PKNOX2: variants seen among roughly 807,000 people sequenced by gnomAD.
The protein encoded by PKNOX2 is homeobox protein PKNOX2.
A neutral mutation model predicts 53.1 loss-of-function variants in PKNOX2; 14 were observed. That is an observed-to-expected ratio of 0.26 (90% CI 0.17 to 0.41). The LOEUF is 0.41. PKNOX2 is among the 10% of genes least tolerant of loss of function. PKNOX2 has a pLI of 1.00. For synonymous variants in PKNOX2, 257 were observed against 242.8 expected (o/e 1.06, Z -0.54); for missense variants, 496 against 602.8 (o/e 0.82, Z 1.85).
At chr11:125,371,824 TG>T (rs751949320) in intron 5 of PKNOX2, among the ~76,000 whole-genome samples, 5 of 152,164 alleles carry the variant, frequency 3.3e-5, no homozygotes, top group Admixed American at 6.5e-5. Context: ...GTGAGGGCAG[TG>T]GTGCTTTGCC....
chr11:125,324,266 GT>G (rs2136077639), intron 2 of PKNOX2, among the ~76,000 whole-genome samples: 1 of 152,200 alleles, frequency 6.6e-6, no homozygotes, highest in East Asian at 1.9e-4. Flanking sequence ...TCTAACCTCA[GT>G]TTTCCCTTTT....
At chr11:125,327,018 A>G (rs1026941240) in intron 2 of PKNOX2, among the ~76,000 whole-genome samples, 1 of 152,228 alleles carries the variant, frequency 6.6e-6, no homozygotes, top group Non-Finnish European at 1.5e-5. Context: ...GGTGGGCTCC[A>G]GAGTGAGAAC....
intron 10 of PKNOX2, among the ~76,000 whole-genome samples, chr11:125,423,200 GTC>G (rs1463513934): frequency 6.6e-6 from 1 of 152,098 alleles, no homozygotes; most frequent in Non-Finnish European, 1.5e-5. Context: ...TTTGCCCAAG[GTC>G]TCACGCCGGT....
At position 125,431,305 on chromosome 11, in the gene PKNOX2, G is replaced by C; in HGVS notation, c.1332G>C (p.Glu444Asp). 3 of 1,613,586 alleles carry C rather than the reference G, an allele frequency of 1.9e-6. No homozygotes were observed. In the Admixed American group the frequency reaches 5.0e-5, roughly 27 times the overall value. Residue 444 changes from glutamate to aspartate, a missense_variant, in exon 13 of 13, where the codon GAG becomes GAC. By Grantham distance (45) the Glu-to-Asp change is conservative. Around this residue, in one of 5 missense-constraint regions of PKNOX2, gnomAD observed 139 missense variants for 161.3 expected, o/e 0.86. Transcript: ENST00000298282. ...ATGAGGATGAGATGGAAGAGGAGGA[G>C]GAGGAGGAGCTGGAGGAGGAGGTCG... Reference protein sequence around the residue: ...EEDEDEMEEEEEEELEEEVDE... With the variant: ...EEDEDEMEEEDEEELEEEVDE...
chr11:125,371,478 G>A (rs1426097987), intron 5 of PKNOX2, among the ~76,000 whole-genome samples: 1 of 152,150 alleles, frequency 6.6e-6, no homozygotes, highest in African/African-American at 2.4e-5. Flanking sequence ...CAGGGGATTA[G>A]GTTGCCAGCG....
Position 125,166,500 on chromosome 11 carries a change from G to A in PKNOX2, c.-201+1724G>A, listed in dbSNP as rs1954887666. On this transcript the variant is annotated intron_variant, in intron 1 of 12. Coordinates refer to ENST00000298282, the MANE Select transcript of PKNOX2 (RefSeq NM_001382323.2). This position sits in a 1 kb window ranked among gnomAD's most constrained non-coding sequence, Gnocchi z 4.0. ...GCAGGGCAGCCTCGCGGGGCTGGGAGTGGATCTGAGGTCCCGACCCAGGCG... is the reference window on the plus strand; with the variant it reads ...GCAGGGCAGCCTCGCGGGGCTGGGAATGGATCTGAGGTCCCGACCCAGGCG... Among the ~76,000 whole-genome samples the A allele has an allele frequency of 6.6e-6, 1 of 152,190 alleles. No individual in the cohort carries two copies.
At chr11:125,256,488 C>T (rs1208846564) in intron 2 of PKNOX2, among the ~76,000 whole-genome samples, 1 of 152,190 alleles carries the variant, frequency 6.6e-6, no homozygotes, top group Non-Finnish European at 1.5e-5. Flanking sequence ...AGGTAGTACC[C>T]ACTCTGTGCA....
intron 5 of PKNOX2, among the ~76,000 whole-genome samples, chr11:125,375,282 T>C (rs1411441228): frequency 1.3e-5 from 2 of 152,198 alleles, no homozygotes; most frequent in African/African-American, 4.8e-5. Flanking sequence ...GAGGTTCTTT[T>C]GGAAACTCAC....
chr11:125,202,479 G>A (rs1234367157), intron 1 of PKNOX2, among the ~76,000 whole-genome samples: 1 of 152,214 alleles, frequency 6.6e-6, no homozygotes, highest in Non-Finnish European at 1.5e-5. Context: ...CTGCCATGTG[G>A]GTGAAGTGTC....
chr11:125,415,506 G>A (rs1338061952), intron 10 of PKNOX2, among the ~76,000 whole-genome samples: 1 of 152,018 alleles, frequency 6.6e-6, no homozygotes, highest in African/African-American at 2.4e-5. Flanking sequence ...ACCTTGGCCT[G>A]CCATAGTGTA....
intron 1 of PKNOX2, among the ~76,000 whole-genome samples, chr11:125,205,351 G>C (rs552334790): frequency 1.3e-5 from 2 of 152,082 alleles, no homozygotes; most frequent in African/African-American, 4.8e-5. Context: ...CCCAGGCCCA[G>C]GTGGGCTCTT....
intron 2 of PKNOX2, among the ~76,000 whole-genome samples, chr11:125,283,808 G>A (rs1275762052): frequency 6.6e-6 from 1 of 152,180 alleles, no homozygotes; most frequent in African/African-American, 2.4e-5. Flanking sequence ...TTGTGTCCAG[G>A]ATAGAAAGGT....
rs573912064 is a variant in PKNOX2, at chr11:125,288,764, C to T, written c.-129-43055C>T. On this transcript the variant is annotated intron_variant, in intron 2 of 12. Transcript: ENST00000298282. The stretch of plus-strand genomic sequence containing the variant: ...GTGTGGCCTGAGGACCAGTGGGACC[C>T]GCATCATCGGAAAGATTGTGAGAAA... 1.6e-4 allele frequency among the ~76,000 whole-genome samples: 25 copies of T among 152,288 alleles called. No homozygotes were observed. The South Asian group carries it at 4.8e-3, about 29-fold the overall frequency.
intron 2 of PKNOX2, among the ~76,000 whole-genome samples, chr11:125,275,297 C>T (rs1946081267): frequency 6.6e-6 from 1 of 151,940 alleles, no homozygotes; most frequent in South Asian, 2.1e-4. Context: ...GCATCTCAAG[C>T]AGAAGGAAAA....
At chr11:125,379,384 T>C (rs1953080098) in intron 5 of PKNOX2, among the ~76,000 whole-genome samples, 1 of 152,148 alleles carries the variant, frequency 6.6e-6, no homozygotes, top group South Asian at 2.1e-4. Flanking sequence ...CATCTTTTTT[T>C]GAGTCTTTTA....
intron 3 of PKNOX2, among the ~76,000 whole-genome samples, chr11:125,338,762 C>T (rs749541779): frequency 5.9e-5 from 9 of 152,330 alleles, no homozygotes; most frequent in Non-Finnish European, 1.2e-4. Context: ...TTCTTCTCCT[C>T]CTCTTCTTCC....
chr11:125,203,953 G>C (rs1938760395), intron 1 of PKNOX2, among the ~76,000 whole-genome samples: 1 of 152,294 alleles, frequency 6.6e-6, no homozygotes, highest in African/African-American at 2.4e-5. Context: ...CATCTGAGTA[G>C]AGAGAAGTAC....
At chr11:125,409,963 G>T in intron 7 of PKNOX2, 2 of 463,870 alleles carry the variant, frequency 4.3e-6, no homozygotes, top group Non-Finnish European at 3.7e-6. Context: ...GGTTTTCAGG[G>T]CAATGGAATG....
chr11:125,264,476 T>G (rs543710912), intron 2 of PKNOX2, among the ~76,000 whole-genome samples: 8 of 152,054 alleles, frequency 5.3e-5, no homozygotes, highest in Non-Finnish European at 1.0e-4. Context: ...TCTTTAGGCC[T>G]AATAACTGCA....
Sources: allele counts gnomAD v4.1 joint callset (sites outside exome capture counted in the v4.1 genomes callset), GRCh38; gene constraint gnomAD v4.1.1; regional missense constraint gnomAD v4.1.1; non-coding constraint Gnocchi (gnomAD v3.1); transcripts MANE v1.5; gene names NCBI Gene and HGNC (gene_info 2026-07-23, HGNC 2026-07-21).